Variants in IMMP2L observed in about 807,000 individuals in gnomAD.
IMMP2L encodes mitochondrial inner membrane protease subunit 2.
Under a neutral mutation model 19.3 loss-of-function variants are expected in IMMP2L, and 18 were observed. That is an observed-to-expected ratio of 0.93 (90% CI 0.64 to 1.38). The LOEUF is 1.38. IMMP2L is among the 40% of genes most tolerant of loss of function. The probability of loss-of-function intolerance (pLI) is 0.00; values close to 1 mark genes in which losing one functional copy is unlikely to be tolerated. For missense variants in IMMP2L, 233 were observed against 218.2 expected (o/e 1.07, Z -0.43); for synonymous variants, 76 against 73.0 (o/e 1.04, Z -0.21).
At chr7:110,952,979 C>T (rs1230645028) in intron 4 of IMMP2L, among the ~76,000 whole-genome samples, 2 of 151,902 alleles carry the variant, frequency 1.3e-5, no homozygotes, top group East Asian at 3.9e-4. Flanking sequence ...AGTACGATTC[C>T]AAGACTTACT....
intron 5 of IMMP2L, among the ~76,000 whole-genome samples, chr7:110,696,597 T>C (rs1186117146): frequency 6.6e-6 from 1 of 151,974 alleles, no homozygotes; most frequent in Non-Finnish European, 1.5e-5. Context: ...CGGCTGATTT[T>C]TGTATTTTTA....
chr7:111,131,616 T>C (rs936643551), intron 3 of IMMP2L, among the ~76,000 whole-genome samples: 5 of 152,060 alleles, frequency 3.3e-5, no homozygotes, highest in East Asian at 1.9e-4. Flanking sequence ...GGCATGCTGA[T>C]AGACAGGCCT....
chr7:111,043,322 A>G (rs1038011831), intron 3 of IMMP2L, among the ~76,000 whole-genome samples: 2 of 152,254 alleles, frequency 1.3e-5, no homozygotes, highest in Non-Finnish European at 2.9e-5. Flanking sequence ...ATAAGGTATT[A>G]TAATTAACTC....
chr7:110,735,683 C>G (rs1584660152), intron 5 of IMMP2L, among the ~76,000 whole-genome samples: 1 of 18,750 alleles, frequency 5.3e-5, no homozygotes, highest in African/African-American at 8.8e-5. Flanking sequence ...TAGACAAATA[C>G]ACACACACAC....
At chr7:111,051,306 T>C (rs1792985154) in intron 3 of IMMP2L, among the ~76,000 whole-genome samples, 1 of 152,198 alleles carries the variant, frequency 6.6e-6, no homozygotes, top group Non-Finnish European at 1.5e-5. Flanking sequence ...CTGAGTTATT[T>C]TGTTTCTGAG....
chr7:111,530,577 T>C (rs1221262157), intron 1 of IMMP2L, among the ~76,000 whole-genome samples: 1 of 151,772 alleles, frequency 6.6e-6, no homozygotes, highest in Non-Finnish European at 1.5e-5. Flanking sequence ...TAAAAGGAAA[T>C]ATAAGACTTA....
At chr7:111,118,986 A>G (rs1800243346) in intron 3 of IMMP2L, among the ~76,000 whole-genome samples, 1 of 152,188 alleles carries the variant, frequency 6.6e-6, no homozygotes, top group African/African-American at 2.4e-5. Context: ...AAACACAAAT[A>G]TAAATTTTAA....
intron 4 of IMMP2L, among the ~76,000 whole-genome samples, chr7:110,901,761 A>G (rs1811887885): frequency 6.6e-6 from 1 of 152,188 alleles, no homozygotes; most frequent in African/African-American, 2.4e-5. Flanking sequence ...TTTGTCTTGC[A>G]TATTTAGTAG....
chr7:111,431,773 C>A (rs1228110679), intron 3 of IMMP2L, among the ~76,000 whole-genome samples: 1 of 151,724 alleles, frequency 6.6e-6, no homozygotes, highest in Non-Finnish European at 1.5e-5. Context: ...AGTATAATTT[C>A]TCTTTCAGAA....
At chr7:111,363,851 G>A (rs1217182744) in intron 3 of IMMP2L, among the ~76,000 whole-genome samples, 1 of 151,930 alleles carries the variant, frequency 6.6e-6, no homozygotes, top group East Asian at 1.9e-4. Context: ...TTAGCTCCCT[G>A]TACACACCAC....
intron 3 of IMMP2L, among the ~76,000 whole-genome samples, chr7:111,177,179 ATTTTTG>A (rs1807167744): frequency 6.6e-6 from 1 of 151,912 alleles, no homozygotes; most frequent in East Asian, 1.9e-4. Context: ...TTATTTTTTC[ATTTTTG>A]TTTTTATTTT....
chr7:111,088,306 A>G (rs1232261665), intron 3 of IMMP2L, among the ~76,000 whole-genome samples: 1 of 152,184 alleles, frequency 6.6e-6, no homozygotes, highest in Non-Finnish European at 1.5e-5. Flanking sequence ...AACCATTTCA[A>G]TACATTTCCA....
chr7:111,274,734 A>G (rs1457022071), intron 3 of IMMP2L, among the ~76,000 whole-genome samples: 2 of 152,196 alleles, frequency 1.3e-5, no homozygotes, highest in Non-Finnish European at 2.9e-5. Flanking sequence ...TTTCTGAACA[A>G]CTGTTTTGTA....
intron 3 of IMMP2L, among the ~76,000 whole-genome samples, chr7:111,037,159 G>A (rs1791433335): frequency 6.6e-6 from 1 of 152,060 alleles, no homozygotes; most frequent in African/African-American, 2.4e-5. Flanking sequence ...TCTTCAACAA[G>A]GTGGCAGGTG....
chr7:110,675,817 T>C (rs1380420826), intron 5 of IMMP2L, among the ~76,000 whole-genome samples: 1 of 152,148 alleles, frequency 6.6e-6, no homozygotes, highest in Non-Finnish European at 1.5e-5. Context: ...TTAGGACACT[T>C]AAGAGTGAAG....
chr7:111,538,816 T>TA (rs768599585), intron 1 of IMMP2L, among the ~76,000 whole-genome samples: 7,870 of 82,278 alleles, frequency 0.096, 400 homozygotes, highest in African/African-American at 0.14. Flanking sequence ...CTGGCTCATT[T>TA]AAAAAAAAAA....
At chr7:110,937,685 C>A (rs1051942824) in intron 4 of IMMP2L, among the ~76,000 whole-genome samples, 1 of 152,140 alleles carries the variant, frequency 6.6e-6, no homozygotes, top group African/African-American at 2.4e-5. Context: ...TTATACTTCG[C>A]AAAGCCAGCT....
intron 5 of IMMP2L, among the ~76,000 whole-genome samples, chr7:110,851,754 T>A (rs1390516612): frequency 6.6e-6 from 1 of 152,094 alleles, no homozygotes. Context: ...CTAAAAGAAA[T>A]GCAGAAATTC....
chr7:110,763,810 A>T (rs988790630), intron 5 of IMMP2L, among the ~76,000 whole-genome samples: 3 of 152,134 alleles, frequency 2.0e-5, no homozygotes, highest in Admixed American at 6.6e-5. Flanking sequence ...CGAATATTTT[A>T]TATATGGAGC....
Sources: allele counts gnomAD v4.1 joint callset (sites outside exome capture counted in the v4.1 genomes callset), GRCh38; gene constraint gnomAD v4.1.1; transcripts MANE v1.5; gene names NCBI Gene and HGNC (gene_info 2026-07-23, HGNC 2026-07-21).